CELF2: variants seen among roughly 807,000 people sequenced by gnomAD.
The protein encoded by CELF2 is CUG triplet repeat RNA-binding protein 2.
In CELF2, 8 loss-of-function variants were observed where a neutral mutation model predicts 62.6. The observed-to-expected ratio is 0.13, with a 90% CI of 0.07 to 0.23. The LOEUF is 0.23. Among genes scored for constraint, CELF2 ranks in the 10% least tolerant of loss-of-function variants. The pLI, the probability that CELF2 is intolerant of heterozygous loss-of-function variation, is 1.00. For synonymous variants in CELF2, 258 were observed against 250.0 expected, an observed-to-expected ratio of 1.03 and a Z score of -0.30; for missense variants, 333 against 671.0, an observed-to-expected ratio of 0.50 and a Z score of 5.56.
intron 1 of CELF2, among the ~76,000 whole-genome samples, chr10:11,144,784 C>T (rs761502735): frequency 2.7e-5 from 4 of 149,372 alleles, no homozygotes; most frequent in Non-Finnish European, 4.4e-5. Context: ...ACCAGCTACT[C>T]GGGAGGCTGA....
At chr10:10,748,066 G>T in the CELF2 span, among the ~76,000 whole-genome samples, 2 of 152,166 alleles carry the variant, frequency 1.3e-5, no homozygotes. Flanking sequence ...CCAGAGGCTG[G>T]GAAGGCTGGC....
chr10:10,803,662 C>T (rs1189156516), intron 1 of CELF2, among the ~76,000 whole-genome samples: 1 of 152,202 alleles, frequency 6.6e-6, no homozygotes, highest in Admixed American at 6.5e-5. Context: ...ATGTTCACTT[C>T]GTATGGTTCA....
chr10:10,704,238 C>T, the CELF2 span, among the ~76,000 whole-genome samples: 3 of 152,196 alleles, frequency 2.0e-5, no homozygotes, highest in Non-Finnish European at 2.9e-5. Context: ...TTATCATAGA[C>T]TGTTAAGTCT....
chr10:11,249,673 C>T (rs963505367), intron 4 of CELF2, among the ~76,000 whole-genome samples: 19 of 152,146 alleles, frequency 1.2e-4, no homozygotes, highest in Non-Finnish European at 2.5e-4. Flanking sequence ...TTATTGTACT[C>T]TTCTCTAAAT....
At chr10:11,206,741 C>G (rs1247192143) in intron 2 of CELF2, among the ~76,000 whole-genome samples, 1 of 152,238 alleles carries the variant, frequency 6.6e-6, no homozygotes, top group African/African-American at 2.4e-5. Context: ...GTTCTGCTCA[C>G]TACTTTGGAA....
chr10:10,690,997 A>G, the CELF2 span, among the ~76,000 whole-genome samples: 896 of 141,908 alleles, frequency 6.3e-3, 3 homozygotes, highest in Non-Finnish European at 8.7e-3. Context: ...TATTCCTAGG[A>G]TTATGGTGAT....
Position 11,227,807 on chromosome 10 carries a change from G to A in CELF2, c.354+10300G>A, listed in dbSNP as rs974273510. 6.6e-6 allele frequency among the ~76,000 whole-genome samples: 1 copy of A among 152,138 alleles called. No individual in the cohort carries two copies. Among genetic ancestry groups the A allele is most frequent in the Non-Finnish European group, 1.5e-5 (1 of 68,020 alleles). On this transcript the variant is annotated intron_variant, in intron 3 of 12. Coordinates refer to ENST00000633077, the MANE Select transcript of CELF2 (RefSeq NM_001326342.2). This position sits in a 1 kb window ranked among gnomAD's most constrained non-coding sequence, Gnocchi z 4.8. The stretch of plus-strand genomic sequence containing the variant: ...GTCACGCATCAGGGACGAGGGTACC[G>A]AGTGAGAGCAAAGGATAGGCTCCTG...
chr10:10,489,051 G>A, the CELF2 span, among the ~76,000 whole-genome samples: 4,088 of 152,034 alleles, frequency 0.027, 185 homozygotes, highest in African/African-American at 0.093. Context: ...TAATTTCAGC[G>A]AATGCGGTTC....
At chr10:11,065,914 C>T (rs1197103599) in intron 1 of CELF2, among the ~76,000 whole-genome samples, 1 of 152,040 alleles carries the variant, frequency 6.6e-6, no homozygotes, top group Admixed American at 6.5e-5. Flanking sequence ...TGAAAGAAAA[C>T]CAGGAAGCCA....
intron 1 of CELF2, among the ~76,000 whole-genome samples, chr10:11,034,410 A>C (rs529227512): frequency 6.6e-6 from 1 of 151,960 alleles, no homozygotes; most frequent in Admixed American, 6.6e-5. Flanking sequence ...AAAATATTTC[A>C]TGTGTTCCTT....
rs1322266081 is a variant in CELF2 at position 10,928,103 on chromosome 10, AC to A, written c.89+8110del. Among the ~76,000 whole-genome samples the A allele has an allele frequency of 1.3e-5, 2 of 151,316 alleles. No individual in the cohort carries two copies. The highest frequency in any genetic ancestry group is 2.9e-5 in the Non-Finnish European group (2 of 67,814). On this transcript the variant is annotated intron_variant, in intron 2 of 13. Transcript: ENST00000636488. This position sits in a 1 kb window ranked among gnomAD's most constrained non-coding sequence, Gnocchi z 4.8. The stretch of plus-strand genomic sequence containing the variant: ...TCTCCTTTCACCACCCTATTAAGTA[AC>A]CCCCCAACACACTTCCTATCACATC...
intron 1 of CELF2, among the ~76,000 whole-genome samples, chr10:10,825,417 A>G (rs747632537): frequency 5.3e-5 from 8 of 152,034 alleles, no homozygotes; most frequent in Non-Finnish European, 1.0e-4. Flanking sequence ...TCACTGTGTT[A>G]GCCAGGCTGG....
chr10:10,608,835 C>T, the CELF2 span, among the ~76,000 whole-genome samples: 43,942 of 152,018 alleles, frequency 0.29, 6,735 homozygotes, highest in South Asian at 0.54. Flanking sequence ...TAATTAGAAC[C>T]ACATATCTTA....
chr10:10,970,562 T>C (rs540557461), intron 2 of CELF2: 1 of 152,320 alleles, frequency 6.6e-6, no homozygotes, highest in Non-Finnish European at 1.5e-5. Context: ...TTGCTTTGAA[T>C]TGCACAGACC....
At chr10:10,787,286 A>T in the CELF2 span, among the ~76,000 whole-genome samples, 1 of 152,144 alleles carries the variant, frequency 6.6e-6, no homozygotes, top group South Asian at 2.1e-4. Flanking sequence ...TTTTTTGCAA[A>T]TGAATTATAA....
chr10:10,797,543 T>A (rs1429968956), upstream of CELF2, among the ~76,000 whole-genome samples: 1 of 152,098 alleles, frequency 6.6e-6, no homozygotes, highest in African/African-American at 2.4e-5. Flanking sequence ...ACTTTAAAAA[T>A]CCCTTTTAAA....
the CELF2 span, among the ~76,000 whole-genome samples, chr10:10,718,586 T>C: frequency 7.0e-6 from 1 of 142,614 alleles, no homozygotes; most frequent in Non-Finnish European, 1.5e-5. Context: ...ATCGCGCCAC[T>C]GCACTCCAGC....
At chr10:11,017,383 G>A (rs951021914), upstream of CELF2, among the ~76,000 whole-genome samples, 2 of 152,236 alleles carry the variant, frequency 1.3e-5, no homozygotes, top group African/African-American at 4.8e-5. This position sits in a 1 kb window ranked among gnomAD's most constrained non-coding sequence, Gnocchi z 5.5. Flanking sequence ...ATCGTGCAGA[G>A]ACAGGTTTGT....
At chr10:10,622,958 C>A in the CELF2 span, among the ~76,000 whole-genome samples, 1 of 151,714 alleles carries the variant, frequency 6.6e-6, no homozygotes, top group Non-Finnish European at 1.5e-5. Context: ...TGGCGGGCGC[C>A]TGTAGTCCCA....
Sources: gnomAD v4.1 joint callset for allele counts (sites outside exome capture counted in the v4.1 genomes callset) on GRCh38, gnomAD v4.1.1 for gene constraint, Gnocchi (gnomAD v3.1) non-coding constraint, MANE v1.5 for transcripts, NCBI Gene and HGNC (gene_info 2026-07-23, HGNC 2026-07-21) for gene names.